SNX27: variants seen among roughly 807,000 people sequenced by gnomAD.
SNX27 encodes sorting nexin 27, also known as sorting nexin-27.
Under a neutral mutation model 71.6 loss-of-function variants are expected in SNX27, and 22 were observed. That is an observed-to-expected ratio of 0.31 (90% CI 0.22 to 0.44). SNX27 has a LOEUF of 0.44. Among genes scored for constraint, SNX27 ranks in the 20% least tolerant of loss-of-function variants. SNX27 has a pLI of 1.00. For synonymous variants in SNX27, 269 were observed against 277.2 expected (o/e 0.97, Z 0.29); for missense variants, 531 against 698.6 (o/e 0.76, Z 2.70).
At position 151,612,459 on chromosome 1, in the gene SNX27, C is replaced by T. The variant is rs1667219940; in HGVS notation, c.258C>T (p.Pro86=). The part of the protein sequence containing the change: ...APLQHVSAVL[P]GGAADRAGVR... ...TGCAGCATGTGAGCGCCGTGCTGCC[C>T]GGGGGGGCGGCCGATCGGGCCGGGG... Residue 86 remains proline (P), a synonymous_variant, in exon 1 of 12, where the codon CCC becomes CCT. Transcript: ENST00000458013. This position sits in a 1 kb window ranked among gnomAD's most constrained non-coding sequence, Gnocchi z 5.2. The T allele has an allele frequency of 5.6e-6, 8 of 1,424,408 alleles. No individual in the cohort carries two copies. The highest frequency in any genetic ancestry group is 6.4e-6 in the Non-Finnish European group (7 of 1,090,048). The allele number at this position is 1,424,408 out of a possible 1,614,324, so 88.2% of individuals were successfully genotyped here.
At chr1:151,654,719 G>T (rs1669594891) in intron 2 of SNX27, among the ~76,000 whole-genome samples, 1 of 152,110 alleles carries the variant, frequency 6.6e-6, no homozygotes, top group Admixed American at 6.6e-5. Flanking sequence ...TTTCTGTTGT[G>T]TTATAACATG....
chr1:151,693,445 T>C lies in SNX27; in HGVS notation c.1540T>C (p.Phe514Leu). ...TCAGTTCAATTACATGCATGAGTGC[T>C]TCGAGAGGGTGTTCTGCGAGCTCAA... Reference protein sequence around the residue: ...TPYFNYMHECFERVFCELKWR... With the variant: ...TPYFNYMHECLERVFCELKWR... The change falls in exon 11 of 12, where the codon TTC becomes CTC. Residue 514 changes from phenylalanine to leucine, a missense_variant. Phe to Leu is a conservative substitution (Grantham distance 22, BLOSUM62 0). Coordinates refer to ENST00000458013, the MANE Select transcript of SNX27 (RefSeq NM_001330723.2). 6.2e-7 allele frequency: 1 copy of C among 1,614,228 alleles called. No individual in the cohort carries two copies. Among genetic ancestry groups the C allele is most frequent in the Non-Finnish European group, 8.5e-7 (1 of 1,180,048 alleles).
At chr1:151,675,810 C>CTTTCT (rs1670665258) in intron 7 of SNX27, 5 of 31,466 alleles carry the variant, frequency 1.6e-4, no homozygotes, top group Non-Finnish European at 3.0e-4. Context: ...TTCTTTCTTT[C>CTTTCT]TTTTTTTTTT....
In SNX27 at chr1:151,697,400, G is replaced by A. The variant is rs1344491199; in HGVS notation, c.*2983G>A. ...CCTTAGAATGGGTAGATGGTGTTATGTTCCCTTTCTGGCATAGCATTCACT... is the reference window on the plus strand; with the variant it reads ...CCTTAGAATGGGTAGATGGTGTTATATTCCCTTTCTGGCATAGCATTCACT... On this transcript the variant is annotated 3_prime_UTR_variant, in exon 12 of 12. Transcript: ENST00000458013. 2 of 152,476 alleles carry A rather than the reference G, an allele frequency of 1.3e-5. No homozygotes were observed. Among genetic ancestry groups the A allele is most frequent in the African/African-American group, 2.4e-5 (1 of 41,446 alleles). 9.4% of individuals were successfully genotyped at this position (152,476 alleles called of 1,614,324 possible).
chr1:151,667,563 C>T lies in SNX27; in HGVS notation c.986-909C>T, dbSNP rs183112749. Among the ~76,000 whole-genome samples, 149 of 149,676 alleles carry T rather than the reference C, an allele frequency of 1.0e-3. 2 individuals are homozygous for T. In the East Asian group the frequency reaches 0.015, roughly 15 times the overall value. The stretch of plus-strand genomic sequence containing the variant: ...TTAGTGGGCCGGGCGCGGTGGCTCA[C>T]GCCTGTAATCCCAGCACTTTGGGAG... On this transcript the variant is annotated intron_variant, in intron 6 of 11. Coordinates refer to ENST00000458013, the MANE Select transcript of SNX27 (RefSeq NM_001330723.2).
At chr1:151,692,414 T>TTG in intron 8 of SNX27, 21 bp from the exon 9 acceptor site, 1 of 1,353,490 alleles carries the variant, frequency 7.4e-7, no homozygotes, top group Non-Finnish European at 9.5e-7. Context: ...TCCTTTTTTT[T>TTG]TTTTTTTTTT....
At chr1:151,694,306 TG>T in intron 11 of SNX27, 63 bp from the exon 12 acceptor site, 1 of 1,544,696 alleles carries the variant, frequency 6.5e-7, no homozygotes. Context: ...CTTCTGTTTG[TG>T]GAGTTGTCTC....
At chr1:151,630,889 G>A (rs1411139780) in intron 1 of SNX27, among the ~76,000 whole-genome samples, 1 of 152,194 alleles carries the variant, frequency 6.6e-6, no homozygotes, top group Non-Finnish European at 1.5e-5. Flanking sequence ...AAAATTAGCT[G>A]GGTGTGGTGG....
intron 7 of SNX27, chr1:151,678,746 C>G (rs1670810547): frequency 6.6e-6 from 1 of 152,008 alleles, no homozygotes; most frequent in South Asian, 2.1e-4. Flanking sequence ...CAGAGTCTTG[C>G]TGTGTCTCCC....
chr1:151,632,065 T>C (rs1668262652), intron 1 of SNX27, among the ~76,000 whole-genome samples: 1 of 152,168 alleles, frequency 6.6e-6, no homozygotes, highest in South Asian at 2.1e-4. Context: ...TTTGCAGTGT[T>C]TGATGAATTT....
intron 2 of SNX27, among the ~76,000 whole-genome samples, chr1:151,641,419 A>G (rs1426309115): frequency 6.6e-6 from 1 of 151,278 alleles, no homozygotes; most frequent in Non-Finnish European, 1.5e-5. Flanking sequence ...TGTGGTTTTA[A>G]TTTGCATTTA....
chr1:151,629,470 C>T (rs1393982848), intron 1 of SNX27: 5 of 22,716 alleles, frequency 2.2e-4, no homozygotes, highest in Non-Finnish European at 1.6e-3. Context: ...CGTATATATA[C>T]ATATATACGT....
chr1:151,640,894 G>A (rs1668691572), intron 2 of SNX27, among the ~76,000 whole-genome samples: 1 of 152,014 alleles, frequency 6.6e-6, no homozygotes. Context: ...GTCAACCACG[G>A]ATCAGCTTAC....
chr1:151,628,206 C>T (rs1015876194), intron 1 of SNX27, among the ~76,000 whole-genome samples: 1 of 151,902 alleles, frequency 6.6e-6, no homozygotes, highest in Non-Finnish European at 1.5e-5. Flanking sequence ...GGGGTTTTAC[C>T]GTATTGGCCA....
At chr1:151,675,416 A>T (rs1454369305) in intron 7 of SNX27, among the ~76,000 whole-genome samples, 2 of 152,134 alleles carry the variant, frequency 1.3e-5, no homozygotes, top group African/African-American at 4.8e-5. Flanking sequence ...TTACATAGTT[A>T]TAATTCTAAT....
At chr1:151,617,861 T>G (rs1667490768) in intron 1 of SNX27, among the ~76,000 whole-genome samples, 1 of 149,354 alleles carries the variant, frequency 6.7e-6, no homozygotes, top group Admixed American at 6.8e-5. Flanking sequence ...TCTTGAATAT[T>G]TTCTCTTTTT....
At chr1:151,688,235 T>G (rs1226179945) in intron 8 of SNX27, among the ~76,000 whole-genome samples, 1 of 152,178 alleles carries the variant, frequency 6.6e-6, no homozygotes, top group Non-Finnish European at 1.5e-5. Context: ...TTGGGTAGTA[T>G]TTGTCAACTT....
intron 6 of SNX27, chr1:151,666,267 G>A (rs1670183050): frequency 3.3e-6 from 1 of 304,292 alleles, no homozygotes; most frequent in Non-Finnish European, 6.0e-6. Flanking sequence ...TAAATCTGAG[G>A]TTCAAAATTC....
intron 2 of SNX27, among the ~76,000 whole-genome samples, chr1:151,651,191 C>T (rs1299951445): frequency 6.7e-6 from 1 of 150,216 alleles, no homozygotes; most frequent in African/African-American, 2.5e-5. Flanking sequence ...GGCAGAGGCG[C>T]CCCTCACCTC....
Sources: allele counts gnomAD v4.1 joint callset (sites outside exome capture counted in the v4.1 genomes callset), GRCh38; gene constraint gnomAD v4.1.1; non-coding constraint Gnocchi (gnomAD v3.1); transcripts MANE v1.5; gene names NCBI Gene and HGNC (gene_info 2026-07-23, HGNC 2026-07-21).